Variants in TTC28 observed in about 807,000 individuals in gnomAD.
TTC28 encodes tetratricopeptide repeat protein 28.
TTC28 carries 61 observed loss-of-function variants against 198.0 expected under a neutral mutation model. That is an observed-to-expected ratio of 0.31 (90% CI 0.25 to 0.38). TTC28 has a LOEUF of 0.38. Ranked by LOEUF, TTC28 falls within the 10% of genes least tolerant of loss-of-function variation. The pLI is 1.00. For synonymous variants in TTC28, 1,171 were observed against 1,297.8 expected (o/e 0.90, Z 2.10); for missense variants, 2,678 against 3,164.0 (o/e 0.85, Z 3.69).
At chr22:28,092,780 A>G (rs1279408790) in intron 12 of TTC28, among the ~76,000 whole-genome samples, 1 of 152,118 alleles carries the variant, frequency 6.6e-6, no homozygotes, top group African/African-American at 2.4e-5. Context: ...CACCCTGTCA[A>G]CCCCTGTAAT....
At chr22:28,029,284 C>G (rs1313222827) in intron 13 of TTC28, among the ~76,000 whole-genome samples, 3 of 152,202 alleles carry the variant, frequency 2.0e-5, no homozygotes, top group African/African-American at 7.2e-5. Context: ...AAAGTCAACA[C>G]ACATTTGTCA....
At chr22:28,532,338 C>T (rs1304409292) in intron 2 of TTC28, among the ~76,000 whole-genome samples, 1 of 152,026 alleles carries the variant, frequency 6.6e-6, no homozygotes, top group Non-Finnish European at 1.5e-5. Flanking sequence ...ACACATACAC[C>T]CTCCCAAGAC....
intron 2 of TTC28, among the ~76,000 whole-genome samples, chr22:28,620,196 A>T (rs1196531165): frequency 1.3e-5 from 2 of 152,108 alleles, no homozygotes; most frequent in Admixed American, 6.5e-5. Context: ...CTAAAAATAT[A>T]AAAATTAGCT....
At chr22:28,101,976 T>C (rs1039756550) in intron 8 of TTC28, among the ~76,000 whole-genome samples, 12 of 152,218 alleles carry the variant, frequency 7.9e-5, no homozygotes, top group African/African-American at 2.9e-4. Context: ...ACAGGTTTGC[T>C]GGGCAGGCAG....
intron 2 of TTC28, among the ~76,000 whole-genome samples, chr22:28,610,957 G>A (rs562675190): frequency 2.6e-5 from 4 of 151,888 alleles, no homozygotes; most frequent in South Asian, 2.1e-4. Context: ...TCGATCAAGC[G>A]GAAGAAAAAA....
chr22:28,677,976 T>A (rs1400666661), intron 1 of TTC28, among the ~76,000 whole-genome samples: 3 of 151,816 alleles, frequency 2.0e-5, no homozygotes, highest in Non-Finnish European at 4.4e-5. Flanking sequence ...AAATTAAAAA[T>A]TTAAAAAATC....
At chr22:28,371,815 C>T (rs1326270878) in intron 2 of TTC28, among the ~76,000 whole-genome samples, 2 of 148,446 alleles carry the variant, frequency 1.3e-5, no homozygotes, top group Non-Finnish European at 3.0e-5. Flanking sequence ...CTCCCGATCT[C>T]GTGATCCATC....
intron 14 of TTC28, chr22:28,008,290 CCTCGGCAGAG>C (rs1938006704): frequency 7.6e-6 from 1 of 132,018 alleles, no homozygotes; most frequent in Non-Finnish European, 1.7e-5. Context: ...ATGGCCGAGC[CCTCGGCAGAG>C]CTAGACCCCT....
chr22:28,414,708 GAAGAAAAGTGAATACGCAA>G (rs2047141615), intron 2 of TTC28, among the ~76,000 whole-genome samples: 1 of 152,174 alleles, frequency 6.6e-6, no homozygotes, highest in African/African-American at 2.4e-5. Context: ...GTCCCTGAGG[GAAGAAAAGTGAATACGCAA>G]AAGAAAAGTG....
intron 12 of TTC28, among the ~76,000 whole-genome samples, chr22:28,047,669 A>G (rs561562085): frequency 2.6e-5 from 4 of 152,270 alleles, no homozygotes; most frequent in African/African-American, 9.6e-5. Context: ...GTGGCAGAGG[A>G]GGTGGGCCTG....
At position 28,413,450 on chromosome 22, in the gene TTC28, T is replaced by C. The variant is rs76577964; in HGVS notation, c.382-106807A>G. ...AAAAAAAAAGTTTCTAGTCGTCTGA[T>C]GTACTATCAAAAAACAATGTCAACT... On this transcript the variant is annotated intron_variant, in intron 2 of 22. Transcript: ENST00000397906. Among the ~76,000 whole-genome samples, 76 of 152,164 alleles carry C rather than the reference T, an allele frequency of 5.0e-4. No homozygotes were observed. In the East Asian group the frequency reaches 0.011, roughly 21 times the overall value.
At chr22:28,085,685 C>T (rs1941563607) in intron 12 of TTC28, among the ~76,000 whole-genome samples, 1 of 151,982 alleles carries the variant, frequency 6.6e-6, no homozygotes, top group African/African-American at 2.4e-5. Context: ...TGTAAATGGA[C>T]TAAATGCTCC....
chr22:27,990,085 T>TA, intron 20 of TTC28, 78 bp from the exon 21 acceptor site: 1 of 1,492,362 alleles, frequency 6.7e-7, no homozygotes, highest in Non-Finnish European at 9.0e-7. Context: ...CCATTATTCT[T>TA]ATGTCACCTG....
chr22:28,061,556 T>C (rs1158518328), intron 12 of TTC28, among the ~76,000 whole-genome samples: 1 of 152,238 alleles, frequency 6.6e-6, no homozygotes, highest in African/African-American at 2.4e-5. Context: ...CTGAGGGCTC[T>C]GTTTCGTTCC....
chr22:28,440,409 A>C (rs1319838665), intron 2 of TTC28, among the ~76,000 whole-genome samples: 1 of 152,178 alleles, frequency 6.6e-6, no homozygotes, highest in Admixed American at 6.5e-5. Flanking sequence ...TCCAGCAAGT[A>C]AGCAGAGAAA....
At chr22:28,152,031 T>G (rs1043571242) in intron 6 of TTC28, among the ~76,000 whole-genome samples, 1 of 152,128 alleles carries the variant, frequency 6.6e-6, no homozygotes, top group Admixed American at 6.5e-5. Context: ...AAAGACAACA[T>G]GAAGATCTGA....
intron 2 of TTC28, among the ~76,000 whole-genome samples, chr22:28,481,686 T>C (rs1048791539): frequency 5.9e-5 from 9 of 152,200 alleles, no homozygotes; most frequent in African/African-American, 1.9e-4. Context: ...ATGAGGTAAA[T>C]GAATAAATTC....
intron 2 of TTC28, among the ~76,000 whole-genome samples, chr22:28,424,765 T>C (rs2047322102): frequency 6.6e-6 from 1 of 152,196 alleles, no homozygotes; most frequent in Non-Finnish European, 1.5e-5. Context: ...TTAGCCCCTA[T>C]CCATATGTTC....
At chr22:28,170,881 C>T (rs1922607596) in intron 5 of TTC28, among the ~76,000 whole-genome samples, 1 of 152,182 alleles carries the variant, frequency 6.6e-6, no homozygotes, top group South Asian at 2.1e-4. Flanking sequence ...CCCAGCTCTT[C>T]AACCATTTCT....
Sources: allele counts gnomAD v4.1 joint callset (sites outside exome capture counted in the v4.1 genomes callset), GRCh38; gene constraint gnomAD v4.1.1; transcripts MANE v1.5; gene names NCBI Gene and HGNC (gene_info 2026-07-23, HGNC 2026-07-21).